The following MICU1 variants were observed in gnomAD, a reference collection of about 807,000 sequenced individuals.
MICU1 encodes calcium uptake protein 1, mitochondrial.
In MICU1, 45 loss-of-function variants were observed where a neutral mutation model predicts 56.8. The observed-to-expected ratio is 0.79, with a 90% CI of 0.62 to 1.02. The LOEUF (loss-of-function observed/expected upper bound fraction) is 1.02, where lower values mean the gene tolerates loss of function less well. MICU1 is among the 50% of genes least tolerant of loss of function. The pLI, the probability that MICU1 is intolerant of heterozygous loss-of-function variation, is 0.00. For synonymous variants in MICU1, 186 were observed against 195.1 expected (o/e 0.95, Z 0.39); for missense variants, 504 against 587.1 (o/e 0.86, Z 1.46).
chr10:72,491,263 AT>A (rs1866646295), intron 6 of MICU1, among the ~76,000 whole-genome samples: 1 of 152,238 alleles, frequency 6.6e-6, no homozygotes, highest in African/African-American at 2.4e-5. Flanking sequence ...ATTTCTTTTC[AT>A]TAGAATCAAA....
intron 10 of MICU1, among the ~76,000 whole-genome samples, chr10:72,406,004 GA>G (rs568120961): frequency 1.4e-5 from 2 of 145,726 alleles, no homozygotes; most frequent in South Asian, 2.1e-4. Flanking sequence ...AATAAAGCAA[GA>G]AAAAAAAAGC....
At chr10:72,369,705 G>T (rs1249701809) in intron 11 of MICU1, among the ~76,000 whole-genome samples, 15 of 150,800 alleles carry the variant, frequency 9.9e-5, no homozygotes, top group East Asian at 7.7e-4. Flanking sequence ...TTTTTTTGTT[G>T]TTGTTGTTGT....
chr10:72,513,598 G>A (rs1008211467), intron 5 of MICU1, among the ~76,000 whole-genome samples: 1 of 151,974 alleles, frequency 6.6e-6, no homozygotes, highest in African/African-American at 2.4e-5. Context: ...TGCTTTTGAT[G>A]TTATATTTAA....
intron 3 of MICU1, among the ~76,000 whole-genome samples, chr10:72,554,085 C>T (rs955096979): frequency 2.6e-5 from 4 of 152,150 alleles, no homozygotes; most frequent in Admixed American, 1.3e-4. Context: ...TCTTCAATAA[C>T]ACTGCTAGAC....
intron 1 of MICU1, among the ~76,000 whole-genome samples, chr10:72,570,531 T>C (rs1032777695): frequency 6.6e-6 from 1 of 152,214 alleles, no homozygotes; most frequent in Admixed American, 6.5e-5. Flanking sequence ...CAAGTCAGGT[T>C]AGACTACTTA....
At chr10:72,549,020 A>G (rs770602918) in intron 4 of MICU1, among the ~76,000 whole-genome samples, 1 of 152,260 alleles carries the variant, frequency 6.6e-6, no homozygotes, top group Admixed American at 6.5e-5. Flanking sequence ...TTTAAATAGC[A>G]AATTTCATAC....
intron 8 of MICU1, among the ~76,000 whole-genome samples, chr10:72,454,510 C>T (rs559745223): frequency 1.2e-4 from 16 of 136,666 alleles, no homozygotes; most frequent in African/African-American, 3.8e-4. Flanking sequence ...GGGCCAGGCA[C>T]GGTGGCTCAT....
chr10:72,413,479 T>C (rs1863889599), intron 9 of MICU1, among the ~76,000 whole-genome samples: 1 of 152,218 alleles, frequency 6.6e-6, no homozygotes, highest in East Asian at 1.9e-4. Flanking sequence ...ACACCTGTAA[T>C]GCCAGCACTT....
chr10:72,460,784 C>T (rs371945648), intron 8 of MICU1, among the ~76,000 whole-genome samples: 3 of 151,276 alleles, frequency 2.0e-5, no homozygotes, highest in Non-Finnish European at 4.4e-5. Context: ...TATTTTTCTT[C>T]TAAGAAAGAA....
chr10:72,406,047 C>G lies in MICU1; in HGVS notation c.1180+1882G>C, dbSNP rs1032498947. Among the ~76,000 whole-genome samples the G allele has an allele frequency of 1.3e-4, 20 of 151,500 alleles. No individual in the cohort carries two copies. In the South Asian group the frequency reaches 1.9e-3, roughly 14 times the overall value. ...TTTTTTTTTAAAAAAGGAGATGAAACTATCTCTGTTTGAAGATGATAGGAT... is the reference window on the plus strand; with the variant it reads ...TTTTTTTTTAAAAAAGGAGATGAAAGTATCTCTGTTTGAAGATGATAGGAT... On this transcript the variant is annotated intron_variant, in intron 10 of 11. Transcript: ENST00000361114.
intron 10 of MICU1, among the ~76,000 whole-genome samples, chr10:72,400,862 G>T (rs1863428145): frequency 6.8e-6 from 1 of 147,352 alleles, no homozygotes; most frequent in Non-Finnish European, 1.5e-5. Flanking sequence ...TGATCTGGTG[G>T]TGCTACACAC....
intron 6 of MICU1, among the ~76,000 whole-genome samples, chr10:72,491,395 A>G (rs1213252920): frequency 6.6e-6 from 1 of 152,212 alleles, no homozygotes; most frequent in East Asian, 1.9e-4. Flanking sequence ...CCTGCTTCAT[A>G]TATCTGGATT....
intron 8 of MICU1, among the ~76,000 whole-genome samples, chr10:72,466,857 A>G (rs1865808563): frequency 6.6e-6 from 1 of 152,262 alleles, no homozygotes; most frequent in Admixed American, 6.5e-5. Context: ...AAAGATGGGT[A>G]GAAAGATGTC....
intron 4 of MICU1, among the ~76,000 whole-genome samples, chr10:72,550,846 T>C (rs939932242): frequency 3.9e-5 from 6 of 152,222 alleles, no homozygotes; most frequent in Non-Finnish European, 7.3e-5. Context: ...TTTCATACTT[T>C]ATAAGTTTTC....
At chr10:72,377,009 G>A (rs1291373236) in intron 10 of MICU1, among the ~76,000 whole-genome samples, 1 of 152,074 alleles carries the variant, frequency 6.6e-6, no homozygotes, top group Non-Finnish European at 1.5e-5. Flanking sequence ...TGCACAGTGA[G>A]CCCTCCCTGC....
chr10:72,413,119 C>T (rs1270073054), intron 9 of MICU1, among the ~76,000 whole-genome samples: 1 of 152,010 alleles, frequency 6.6e-6, no homozygotes, highest in Non-Finnish European at 1.5e-5. Flanking sequence ...ATTGCATGAA[C>T]CCAGGAGGTG....
At chr10:72,550,838 T>C (rs545648946) in intron 4 of MICU1, among the ~76,000 whole-genome samples, 78 of 152,360 alleles carry the variant, frequency 5.1e-4, no homozygotes, top group Non-Finnish European at 4.3e-4. Flanking sequence ...TGTGTTAATT[T>C]CATACTTTAT....
At chr10:72,544,023 C>T (rs1459309325) in intron 4 of MICU1, among the ~76,000 whole-genome samples, 3 of 152,184 alleles carry the variant, frequency 2.0e-5, no homozygotes, top group Non-Finnish European at 2.9e-5. Context: ...GTGCCCTGGG[C>T]CTGGTAGTTA....
intron 8 of MICU1, among the ~76,000 whole-genome samples, chr10:72,463,816 C>T (rs2132242723): frequency 6.6e-6 from 1 of 152,260 alleles, no homozygotes; most frequent in East Asian, 1.9e-4. Context: ...CCACACGCAT[C>T]ATCATTCATT....
Sources: gnomAD v4.1 joint callset for allele counts (sites outside exome capture counted in the v4.1 genomes callset) on GRCh38, gnomAD v4.1.1 for gene constraint, MANE v1.5 for transcripts, NCBI Gene and HGNC (gene_info 2026-07-23, HGNC 2026-07-21) for gene names.